Variants in FASN observed in about 807,000 individuals in gnomAD.
The protein encoded by FASN is 3-hydroxyacyl-[acyl-carrier-protein] dehydratase.
Under a neutral mutation model 250.0 loss-of-function variants are expected in FASN, and 50 were observed. The ratio of observed to expected loss-of-function variants is 0.20; its 90% CI spans 0.16 to 0.25. FASN has a LOEUF of 0.25. Among genes scored for constraint, FASN ranks in the 10% least tolerant of loss-of-function variants. The pLI, the probability that FASN is intolerant of heterozygous loss-of-function variation, is 1.00. For missense variants in FASN, 3,031 were observed against 3,498.5 expected, an observed-to-expected ratio of 0.87 and a Z score of 3.37; for synonymous variants, 1,909 against 1,584.0, an observed-to-expected ratio of 1.21 and a Z score of -4.87.
In FASN at chr17:82,082,985, T is replaced by A; in HGVS notation, c.5696A>T (p.Glu1899Val). 6.2e-7 allele frequency: 1 copy of A among 1,612,770 alleles called. No individual in the cohort carries two copies. The highest frequency in any genetic ancestry group is 8.5e-7 in the Non-Finnish European group (1 of 1,179,946). The change falls in exon 33 of 43, where the codon GAG becomes GTG. Residue 1899 changes from glutamate (E) to valine (V), a missense_variant. Coordinates refer to ENST00000306749, the MANE Select transcript of FASN (RefSeq NM_004104.5). Reference protein sequence around the residue: ...IAGGLGGFGLELAQWLIQRGV... With the variant: ...IAGGLGGFGLVLAQWLIQRGV... ...ACGCTGTATCAGCCACTGCGCCAAC[T>A]CCAGGCCGAAGCCACCCAGACCACC... is the stretch of plus-strand genomic sequence containing the variant.
chr17:82,089,298 G>T lies in FASN; in HGVS notation c.2052C>A (p.Ser684=). Residue 684 remains serine (S), a synonymous_variant, in exon 13 of 43, where the codon TCC becomes TCA. Coordinates refer to ENST00000306749, the MANE Select transcript of FASN (RefSeq NM_004104.5). Reference sequence around the variant, plus strand: ...GGGGTGCGATGGCCTCCATGAAGTAGGAGTGGAAGGCCATACCGCCGGTCC... The same window carrying T: ...GGGGTGCGATGGCCTCCATGAAGTATGAGTGGAAGGCCATACCGCCGGTCC... ...EVRTGGMAFH[S]YFMEAIAPPL... 2 of 1,612,792 alleles carry T rather than the reference G, an allele frequency of 1.2e-6. No homozygotes were observed. Among genetic ancestry groups the T allele is most frequent in the East Asian group, 4.5e-5 (2 of 44,878 alleles).
In FASN at chr17:82,088,411, A is replaced by G; in HGVS notation, c.2572T>C (p.Ser858Pro). 1 of 1,612,154 alleles carries G rather than the reference A, an allele frequency of 6.2e-7. No homozygotes were observed. The highest frequency in any genetic ancestry group is 8.5e-7 in the Non-Finnish European group (1 of 1,179,616). ...TCACCGATGTTGTAGATGGCGGCTG[A>G]GGGGGAACCTGAACCGTTGGGGAAG... ...EDFPNGSGSP[S>P]AAIYNIDTSS... Residue 858 changes from serine (S) to proline (P), a missense_variant, in exon 16 of 43, where the codon TCA becomes CCA. Physicochemically the swap from Ser to Pro is moderately conservative, Grantham distance 74. Transcript: ENST00000306749.
rs1249932478 is a variant in FASN at position 82,079,430 on chromosome 17, T to C, written c.7325A>G (p.Asn2442Ser). 1.9e-6 allele frequency: 3 copies of C among 1,612,952 alleles called. No individual in the cohort carries two copies. The highest frequency in any genetic ancestry group is 1.3e-5 in the African/African-American group (1 of 74,940). The change falls in exon 42 of 43, where the codon AAC becomes AGC. Residue 2442 changes from asparagine (N) to serine (S), a missense_variant. Coordinates refer to ENST00000306749, the MANE Select transcript of FASN (RefSeq NM_004104.5). Reference sequence around the variant, plus strand: ...CGTCTTGGCGCGCAGTAGCATCACGTTGCCATGGTACTTGGCCTTGGGTGT... The same window carrying C: ...CGTCTTGGCGCGCAGTAGCATCACGCTGCCATGGTACTTGGCCTTGGGTGT... ...QYTPKAKYHG[N>S]VMLLRAKTGG...
intron 7 of FASN, 50 bp downstream of exon 7, chr17:82,092,647 G>C (rs369178213): frequency 6.3e-7 from 1 of 1,585,764 alleles, no homozygotes; most frequent in South Asian, 1.1e-5. Flanking sequence ...AGGCATGGGC[G>C]TAGGTTAGGC....
At chr17:82,095,575 A>G in intron 2 of FASN, 103 bp from the exon 3 acceptor site, 1 of 1,401,924 alleles carries the variant, frequency 7.1e-7, no homozygotes, top group Non-Finnish European at 9.9e-7. Context: ...GGAACTGAGG[A>G]CTCTCTGCTA....
chr17:82,089,421 G>A (rs781003721), intron 12 of FASN, 37 bp from the exon 13 acceptor site: 4 of 1,612,580 alleles, frequency 2.5e-6, no homozygotes, highest in African/African-American at 2.7e-5. Flanking sequence ...CATCCTGGCT[G>A]GGCACCCACC....
chr17:82,090,663 A>C, intron 10 of FASN, 99 bp from the exon 11 acceptor site: 1 of 1,198,146 alleles, frequency 8.3e-7, no homozygotes, highest in Non-Finnish European at 1.2e-6. Flanking sequence ...CCCGCGCCCC[A>C]TCGACCCTCC....
chr17:82,080,676 G>A lies in FASN; in HGVS notation c.6826+16C>T, dbSNP rs2033971351. On this transcript the variant is annotated intron_variant, in intron 39 of 42. Transcript: ENST00000306749. ...CCAGCACTGACCACCGCTTCCAGAG[G>A]AGGGCCCGGGAGTACCTCGGGTGCA... 1 of 1,569,038 alleles carries A rather than the reference G, an allele frequency of 6.4e-7. No individual in the cohort carries two copies. Among genetic ancestry groups the A allele is most frequent in the Non-Finnish European group, 8.6e-7 (1 of 1,157,428 alleles).
rs1598582344 is a variant in FASN, at chr17:82,091,552, C to T, written c.1162G>A (p.Val388Met). The T allele has an allele frequency of 1.9e-6, 3 of 1,596,566 alleles. No individual in the cohort carries two copies. Among genetic ancestry groups the T allele is most frequent in the South Asian group, 1.1e-5 (1 of 88,678 alleles). ...DQPLPVRGGN[V>M]GINSFGFGGS... ...CCGAAGCCAAAGGAGTTGATGCCCA[C>T]GTTGCCGCCACGGACGGGCAGGGGC... Residue 388 changes from valine to methionine, a missense_variant, in exon 9 of 43, where the codon GTG (valine) becomes ATG (methionine). Coordinates refer to ENST00000306749, the MANE Select transcript of FASN (RefSeq NM_004104.5).
In FASN at chr17:82,089,743, C is replaced by T; in HGVS notation, c.1871-17G>A. 1 of 1,576,124 alleles carries T rather than the reference C, an allele frequency of 6.3e-7. No individual in the cohort carries two copies. Among genetic ancestry groups the T allele is most frequent in the Non-Finnish European group, 8.6e-7 (1 of 1,162,094 alleles). On this transcript the variant is annotated splice_polypyrimidine_tract_variant and intron_variant, in intron 11 of 42. Transcript: ENST00000306749. Reference sequence around the variant, plus strand: ...AGGACAAGCCTATGGCAGAGCCAGCCTCAGAGGCTTAGCGTGGACACCGAG... The same window carrying T: ...AGGACAAGCCTATGGCAGAGCCAGCTTCAGAGGCTTAGCGTGGACACCGAG...
chr17:82,090,200 G>A (rs1423427396), intron 11 of FASN, among the ~76,000 whole-genome samples, 175 bp downstream of exon 11: 8 of 152,228 alleles, frequency 5.3e-5, no homozygotes, highest in Admixed American at 5.2e-4. Flanking sequence ...CAGGTGTGGG[G>A]CCAGTGGGGC....
Position 82,080,232 on chromosome 17 carries a change from G to A in FASN, c.7054C>T (p.Arg2352Trp). 2 of 1,613,084 alleles carry A rather than the reference G, an allele frequency of 1.2e-6. No homozygotes were observed. Among genetic ancestry groups the A allele is most frequent in the Non-Finnish European group, 8.5e-7 (1 of 1,180,010 alleles). ...TYVLAYTQSY[R>W]AKLTPGCEAE... is the part of the protein sequence containing the mutation. The stretch of plus-strand genomic sequence containing the variant: ...TCACAGCCTGGGGTCAGCTTTGCCC[G>A]GTAGCTCTGAGAGGAAGGAGGGACT... The change falls in exon 41 of 43, where the codon CGG becomes TGG. Residue 2352 changes from arginine to tryptophan, a missense_variant. Physicochemically the swap from Arg to Trp is moderately radical, Grantham distance 101. Transcript: ENST00000306749.
chr17:82,086,449 G>C lies in FASN; in HGVS notation c.3537C>G (p.Pro1179=). 1.2e-6 allele frequency: 2 copies of C among 1,612,254 alleles called. No homozygotes were observed. The highest frequency in any genetic ancestry group is 1.7e-6 in the Non-Finnish European group (2 of 1,179,946). The change falls in exon 22 of 43, where the codon CCC becomes CCG. Residue 1179 remains proline (P), a synonymous_variant. Transcript: ENST00000306749. ...GCCTGCAGGCAGCCGACAACAGCCGGGGCAGTTCCTGCTGTGAGGGGTCCC... is the reference window on the plus strand; with the variant it reads ...GCCTGCAGGCAGCCGACAACAGCCGCGGCAGTTCCTGCTGTGAGGGGTCCC... ...IPRDPSQQEL[P]RLLSAACRLQ...
intron 1 of FASN, 58 bp from the exon 2 acceptor site, chr17:82,096,510 A>AGTT: frequency 6.2e-7 from 1 of 1,600,934 alleles, no homozygotes; most frequent in Non-Finnish European, 8.5e-7. Context: ...CCCCGTCAAC[A>AGTT]GCCTCGGCAC....
rs1365878606 is a variant in FASN, at chr17:82,079,062, C to T, written c.*81G>A. On this transcript the variant is annotated 3_prime_UTR_variant, in exon 43 of 43. Coordinates refer to ENST00000306749, the MANE Select transcript of FASN (RefSeq NM_004104.5). ...ACAGGGTCCCACCGGCAGGACCCTTCAATCCCGTTGCATGGCGGGGGTGGG... is the reference window on the plus strand; with the variant it reads ...ACAGGGTCCCACCGGCAGGACCCTTTAATCCCGTTGCATGGCGGGGGTGGG... The T allele has an allele frequency of 1.4e-6, 2 of 1,439,426 alleles. No individual in the cohort carries two copies. The highest frequency in any genetic ancestry group is 5.0e-5 in the East Asian group (2 of 39,842). 89.2% of individuals were successfully genotyped at this position (1,439,426 alleles called of 1,614,324 possible). A position where few individuals can be genotyped will look rare whatever the true frequency, so the allele number is the denominator to read the frequency against.
rs1034386454 is a variant in FASN, at chr17:82,083,643, G to C, written c.5219-4C>G. On this transcript the variant is annotated splice_polypyrimidine_tract_variant and splice_region_variant and intron_variant, in intron 30 of 42. Transcript: ENST00000306749. ...GAGTTCAAGACCAGGTCAACGCCTAGGGGGCCAGAGGGGCCAGACAATCAC... is the reference window on the plus strand; with the variant it reads ...GAGTTCAAGACCAGGTCAACGCCTACGGGGCCAGAGGGGCCAGACAATCAC... The C allele has an allele frequency of 1.2e-6, 2 of 1,605,646 alleles. No individual in the cohort carries two copies. Among genetic ancestry groups the C allele is most frequent in the Admixed American group, 1.7e-5 (1 of 58,794 alleles).
Position 82,084,400 on chromosome 17 carries a change from C to T in FASN, c.4769-16G>A, listed in dbSNP as rs748935740. 2.5e-6 allele frequency: 4 copies of T among 1,600,702 alleles called. No homozygotes were observed. The highest frequency in any genetic ancestry group is 2.2e-5 in the South Asian group (2 of 89,236). ...GTCCACTTCCCTGGGGGAGACGGCA[C>T]TGAGCCCCTCACCGCCTGCCCTTCC... On this transcript the variant is annotated splice_polypyrimidine_tract_variant and intron_variant, in intron 27 of 42. Coordinates refer to ENST00000306749, the MANE Select transcript of FASN (RefSeq NM_004104.5).
chr17:82,091,456 G>A lies in FASN; in HGVS notation c.1258C>T (p.Leu420=). 2 of 1,607,622 alleles carry A rather than the reference G, an allele frequency of 1.2e-6. No individual in the cohort carries two copies. Among genetic ancestry groups the A allele is most frequent in the South Asian group, 1.1e-5 (1 of 90,416 alleles). ...PPPAPAPHAT[L]PRLLRASGRT... Reference sequence around the variant, plus strand: ...CCGCTGGCCCGCAGCAGACGGGGCAGGGTGGCATGTGGGGCGGGTGCGGGG... The same window carrying A: ...CCGCTGGCCCGCAGCAGACGGGGCAAGGTGGCATGTGGGGCGGGTGCGGGG... Residue 420 remains leucine, a synonymous_variant, in exon 9 of 43, where the codon CTG becomes TTG. Transcript: ENST00000306749.
Position 82,087,729 on chromosome 17 carries a change from T to C in FASN, c.2999A>G (p.Asp1000Gly). 2 of 1,612,318 alleles carry C rather than the reference T, an allele frequency of 1.2e-6. No homozygotes were observed. Among genetic ancestry groups the C allele is most frequent in the Non-Finnish European group, 1.7e-6 (2 of 1,179,978 alleles). ...GATGCCCTGGAAATGAGGGCCGTAG[T>C]CGTAGCCACGCAGACGCAGCTCCTT... ...VYKELRLRGY[D>G]YGPHFQGILE... is the part of the protein sequence containing the mutation. Residue 1000 changes from aspartate to glycine, a missense_variant, in exon 19 of 43, where the codon GAC becomes GGC. Coordinates refer to ENST00000306749, the MANE Select transcript of FASN (RefSeq NM_004104.5).
Sources: allele counts gnomAD v4.1 joint callset (sites outside exome capture counted in the v4.1 genomes callset), GRCh38; gene constraint gnomAD v4.1.1; transcripts MANE v1.5; gene names NCBI Gene and HGNC (gene_info 2026-07-23, HGNC 2026-07-21).